TWIST2: variants seen among roughly 807,000 people sequenced by gnomAD.
TWIST2 encodes the protein twist family bHLH transcription factor 2.
A neutral mutation model predicts 11.6 loss-of-function variants in TWIST2; 1 was observed. That is an observed-to-expected ratio of 0.09 (90% CI 0.03 to 0.41). TWIST2 has a LOEUF of 0.41. Ranked by LOEUF, TWIST2 falls within the 10% of genes least tolerant of loss-of-function variation. The probability of loss-of-function intolerance (pLI) is 0.98; values close to 1 mark genes in which losing one functional copy is unlikely to be tolerated. For missense variants in TWIST2, 168 were observed against 226.4 expected, an observed-to-expected ratio of 0.74 and a Z score of 1.66; for synonymous variants, 87 against 96.6, an observed-to-expected ratio of 0.90 and a Z score of 0.58.
intron 1 of TWIST2, among the ~76,000 whole-genome samples, chr2:238,895,046 G>A (rs1693191419): frequency 6.6e-6 from 1 of 152,168 alleles, no homozygotes; most frequent in Non-Finnish European, 1.5e-5. Flanking sequence ...CCTGCGTCAG[G>A]CAGAGCGCCC....
Position 238,896,087 on chromosome 2 carries a change from A to G in TWIST2, c.*36-13755A>G, listed in dbSNP as rs913185382. ...ATATGGTCATTCCCACATTCCCAGC[A>G]GGATTCCTCCTTCTCAGGCGCAGCA... On this transcript the variant is annotated intron_variant, in intron 1 of 1. Transcript: ENST00000612363. 5.9e-5 allele frequency among the ~76,000 whole-genome samples: 9 copies of G among 152,266 alleles called. No individual in the cohort carries two copies. The East Asian group carries it at 1.7e-3, about 30-fold the overall frequency.
chr2:238,848,099 T>G lies in TWIST2; in HGVS notation c.-117T>G. 1.1e-6 allele frequency: 1 copy of G among 886,006 alleles called. No individual in the cohort carries two copies. Among genetic ancestry groups the G allele is most frequent in the Non-Finnish European group, 1.4e-6 (1 of 703,732 alleles). 54.9% of individuals were successfully genotyped at this position (886,006 alleles called of 1,614,324 possible). ...ACCTCGGTTTTGCACAAGCCGGCCT[T>G]GAAATCAGAGCCTTTCCAGCAACTC... On this transcript the variant is annotated 5_prime_UTR_variant, in exon 1 of 2. Coordinates refer to ENST00000612363, the MANE Select transcript of TWIST2 (RefSeq NM_001271893.4).
chr2:238,857,593 C>G (rs1358237853), intron 1 of TWIST2, among the ~76,000 whole-genome samples: 1 of 151,756 alleles, frequency 6.6e-6, no homozygotes, highest in Non-Finnish European at 1.5e-5. Flanking sequence ...TTGTCTGTCT[C>G]GTAAAGCATC....
intron 1 of TWIST2, among the ~76,000 whole-genome samples, chr2:238,904,981 GAAAA>G (rs1220543398): frequency 1.3e-5 from 2 of 151,146 alleles, no homozygotes; most frequent in Non-Finnish European, 3.0e-5. Context: ...AAGAGAGAAA[GAAAA>G]AAAGAAGAAA....
intron 1 of TWIST2, among the ~76,000 whole-genome samples, chr2:238,862,243 C>G (rs369780015): frequency 4.6e-5 from 7 of 152,314 alleles, no homozygotes; most frequent in African/African-American, 1.2e-4. Context: ...AATAATAACT[C>G]ACTAAATTAA....
intron 1 of TWIST2, among the ~76,000 whole-genome samples, chr2:238,903,296 T>TGTGG (rs1693301338): frequency 4.7e-5 from 7 of 148,640 alleles, no homozygotes; most frequent in African/African-American, 1.2e-4. Flanking sequence ...GTGAGGTGTG[T>TGTGG]GATGTGGGAT....
rs559120777 is a variant in TWIST2, at chr2:238,891,573, C to G, written c.*36-18269C>G. Among the ~76,000 whole-genome samples the G allele has an allele frequency of 1.9e-4, 29 of 152,288 alleles. No individual in the cohort carries two copies. In the South Asian group the frequency reaches 6.0e-3, roughly 32 times the overall value. On this transcript the variant is annotated intron_variant, in intron 1 of 1. Transcript: ENST00000612363. ...GGACGGTCTGGCAAACGTCCTTCCCCTGGCAGATCTAGGAGGCATGTGAAC... is the reference window on the plus strand; with the variant it reads ...GGACGGTCTGGCAAACGTCCTTCCCGTGGCAGATCTAGGAGGCATGTGAAC...
In TWIST2 at chr2:238,910,361, T is replaced by A. The variant is rs1693433096; in HGVS notation, c.*555T>A. The A allele has an allele frequency of 6.6e-6, 1 of 152,184 alleles. No homozygotes were observed. Among genetic ancestry groups the A allele is most frequent in the African/African-American group, 2.4e-5 (1 of 41,436 alleles). 9.4% of individuals were successfully genotyped at this position (152,184 alleles called of 1,614,324 possible). On this transcript the variant is annotated 3_prime_UTR_variant, in exon 2 of 2. Transcript: ENST00000612363. The stretch of plus-strand genomic sequence containing the variant: ...CCTGGAATTCTTACTTTCACGCCGC[T>A]ATTCTTTTCCTTTCTCCGTGATTGC...
At chr2:238,870,345 A>C (rs1454140229) in intron 1 of TWIST2, among the ~76,000 whole-genome samples, 1 of 84,058 alleles carries the variant, frequency 1.2e-5, no homozygotes. Flanking sequence ...CCCCACACAC[A>C]CCACACACCC....
intron 1 of TWIST2, among the ~76,000 whole-genome samples, chr2:238,882,434 T>C (rs1357270571): frequency 6.6e-6 from 1 of 152,222 alleles, no homozygotes; most frequent in Non-Finnish European, 1.5e-5. Context: ...TGGACAGAAA[T>C]GCAAACGCCT....
At chr2:238,868,691 G>A (rs1460427505) in intron 1 of TWIST2, among the ~76,000 whole-genome samples, 1 of 152,232 alleles carries the variant, frequency 6.6e-6, no homozygotes, top group Non-Finnish European at 1.5e-5. Context: ...GTGATCACCA[G>A]CTGCCACCAT....
chr2:238,878,161 T>C (rs1692839373), intron 1 of TWIST2, among the ~76,000 whole-genome samples: 1 of 152,170 alleles, frequency 6.6e-6, no homozygotes, highest in South Asian at 2.1e-4. Context: ...TGTTAGTTGG[T>C]AAACAGCTCT....
rs1469152993 is a variant in TWIST2, at chr2:238,873,246, TGTGGCGGGGAAGAA to T, written c.*35+24516_*35+24529del. Among the ~76,000 whole-genome samples, 4 of 151,908 alleles carry T rather than the reference TGTGGCGGGGAAGAA, an allele frequency of 2.6e-5. No homozygotes were observed. In the East Asian group the frequency reaches 7.7e-4, roughly 29 times the overall value. ...CTGGGCTCCACATTAGAGACCGGGA[TGTGGCGGGGAAGAA>T]GTCAAGGCAGTTCCTGTCACCATGA... On this transcript the variant is annotated intron_variant, in intron 1 of 1. Transcript: ENST00000612363.
intron 1 of TWIST2, among the ~76,000 whole-genome samples, chr2:238,856,754 A>G (rs1692336700): frequency 6.6e-6 from 1 of 152,088 alleles, no homozygotes. Flanking sequence ...TGTCCCTCAG[A>G]GACATAGAAG....
At chr2:238,850,668 A>T (rs1692226264) in intron 1 of TWIST2, among the ~76,000 whole-genome samples, 2 of 152,240 alleles carry the variant, frequency 1.3e-5, no homozygotes, top group Non-Finnish European at 2.9e-5. Context: ...TAGAAAAATA[A>T]AATGCAATAC....
intron 1 of TWIST2, among the ~76,000 whole-genome samples, chr2:238,885,112 A>T (rs1693009671): frequency 6.6e-6 from 1 of 152,130 alleles, no homozygotes; most frequent in Non-Finnish European, 1.5e-5. Context: ...GCCCTCCCAG[A>T]TTGTGCAGAT....
chr2:238,908,517 C>A (rs1427215739), intron 1 of TWIST2, among the ~76,000 whole-genome samples: 6 of 152,286 alleles, frequency 3.9e-5, no homozygotes, highest in African/African-American at 1.4e-4. Context: ...ACCACACACA[C>A]CCACACGAGT....
chr2:238,854,405 A>ACCC (rs1337062098), intron 1 of TWIST2, among the ~76,000 whole-genome samples: 1 of 152,064 alleles, frequency 6.6e-6, no homozygotes, highest in Non-Finnish European at 1.5e-5. Flanking sequence ...ATTTGGGCAA[A>ACCC]CCCCTTGATT....
chr2:238,869,493 T>TA (rs1299319851), intron 1 of TWIST2, among the ~76,000 whole-genome samples: 1 of 152,162 alleles, frequency 6.6e-6, no homozygotes, highest in Non-Finnish European at 1.5e-5. Context: ...AGGACTCCTA[T>TA]GATTCAACAA....
Sources: gnomAD v4.1 joint callset for allele counts (sites outside exome capture counted in the v4.1 genomes callset) on GRCh38, gnomAD v4.1.1 for gene constraint, MANE v1.5 for transcripts, NCBI Gene and HGNC (gene_info 2026-07-23, HGNC 2026-07-21) for gene names.